Variants in NYAP2 observed in about 807,000 individuals in gnomAD.
The protein encoded by NYAP2 is neuronal tyrosine-phosphorylated phosphoinositide-3-kinase adaptor 2, also known as neuronal tyrosine-phosphorylated phosphoinositide-3-kinase adapter 2.
NYAP2 carries 23 observed loss-of-function variants against 50.4 expected under a neutral mutation model. That is an observed-to-expected ratio of 0.46 (90% CI 0.33 to 0.65). The LOEUF is 0.65. Among genes scored for constraint, NYAP2 ranks in the 30% least tolerant of loss-of-function variants. NYAP2 has a pLI of 0.02. For synonymous variants in NYAP2, 394 were observed against 365.2 expected (o/e 1.08, Z -0.90); for missense variants, 885 against 861.0 (o/e 1.03, Z -0.35).
At chr2:225,614,942 A>C (rs1344281646) in intron 5 of NYAP2, among the ~76,000 whole-genome samples, 1 of 152,230 alleles carries the variant, frequency 6.6e-6, no homozygotes. Flanking sequence ...TAGTGAATTC[A>C]GTGAAAGATG....
intron 2 of NYAP2, among the ~76,000 whole-genome samples, chr2:225,402,620 G>C (rs1328657144): frequency 6.6e-6 from 1 of 152,042 alleles, no homozygotes; most frequent in Non-Finnish European, 1.5e-5. Context: ...TTTGGGAAGA[G>C]AGATAGTGGA....
chr2:225,600,520 G>A (rs1044630521), intron 5 of NYAP2, among the ~76,000 whole-genome samples: 1 of 152,170 alleles, frequency 6.6e-6, no homozygotes, highest in Non-Finnish European at 1.5e-5. Context: ...TATAAACTAA[G>A]TTCCTGCCAA....
At chr2:225,702,946 G>T in the NYAP2 span, 4 of 151,436 alleles carry the variant, frequency 2.6e-5, no homozygotes, top group Non-Finnish European at 5.9e-5. Context: ...ATACACCCAC[G>T]TACAGTATAC....
At chr2:225,407,279 G>T (rs1001556006) in intron 2 of NYAP2, among the ~76,000 whole-genome samples, 1 of 151,782 alleles carries the variant, frequency 6.6e-6, no homozygotes, top group Non-Finnish European at 1.5e-5. Flanking sequence ...CTAATCTGAT[G>T]GACTGATAGT....
At chr2:225,403,192 G>A (rs930509831) in intron 2 of NYAP2, among the ~76,000 whole-genome samples, 2 of 151,926 alleles carry the variant, frequency 1.3e-5, no homozygotes, top group African/African-American at 2.4e-5. Context: ...CCTCAAAGAA[G>A]ATGCAATGAT....
At chr2:225,511,365 CACACACACAGAG>C (rs1352958934) in intron 3 of NYAP2, among the ~76,000 whole-genome samples, 6 of 141,434 alleles carry the variant, frequency 4.2e-5, no homozygotes, top group African/African-American at 1.6e-4. Flanking sequence ...CACACACACA[CACACACACAGAG>C]AGAGAGAGAG....
At chr2:225,514,991 G>A (rs1574653387) in intron 4 of NYAP2, among the ~76,000 whole-genome samples, 1 of 152,234 alleles carries the variant, frequency 6.6e-6, no homozygotes, top group African/African-American at 2.4e-5. Flanking sequence ...ATTCTCATAG[G>A]CAGTCCATGA....
chr2:225,582,562 C>T lies in NYAP2; in HGVS notation c.1145C>T (p.Thr382Met). ...CAGCCAGCCGGGGCGTCGCCCTCCA[C>T]GCTGCCGTCCCACGTCCCCGGCCAT... The change falls in exon 5 of 7, where the codon ACG becomes ATG. Residue 382 changes from threonine to methionine, a missense_variant. Thr to Met is a moderately conservative substitution (Grantham distance 81). Coordinates refer to ENST00000636099, the Ensembl canonical transcript of NYAP2. This position sits in a 1 kb window ranked among gnomAD's most constrained non-coding sequence, Gnocchi z 7.0. 2 of 1,586,330 alleles carry T rather than the reference C, an allele frequency of 1.3e-6. No individual in the cohort carries two copies. Among genetic ancestry groups the T allele is most frequent in the East Asian group, 2.3e-5 (1 of 44,110 alleles).
At chr2:225,423,329 G>A (rs1695243134) in intron 3 of NYAP2, among the ~76,000 whole-genome samples, 1 of 152,206 alleles carries the variant, frequency 6.6e-6, no homozygotes, top group Non-Finnish European at 1.5e-5. Flanking sequence ...CTAAAAGAAA[G>A]TCAGCTTAGA....
At chr2:225,587,004 A>G (rs537530005) in intron 5 of NYAP2, among the ~76,000 whole-genome samples, 54 of 152,310 alleles carry the variant, frequency 3.5e-4, no homozygotes, top group African/African-American at 1.2e-3. Flanking sequence ...CCTTTTTCAC[A>G]TGGTGGCAGG....
At chr2:225,659,953 T>C in the NYAP2 span, among the ~76,000 whole-genome samples, 1 of 152,206 alleles carries the variant, frequency 6.6e-6, no homozygotes. Flanking sequence ...GAAGGAATGA[T>C]TGGTCCACCC....
chr2:225,646,293 T>G (rs1693633723), intron 6 of NYAP2, among the ~76,000 whole-genome samples: 1 of 152,224 alleles, frequency 6.6e-6, no homozygotes, highest in Non-Finnish European at 1.5e-5. Context: ...GGCTCATGCC[T>G]GCAATCCTAG....
chr2:225,498,571 C>CTT lies in NYAP2; in HGVS notation c.222-14788_222-14787dup, dbSNP rs35287009. On this transcript the variant is annotated intron_variant, in intron 3 of 6. Coordinates refer to ENST00000636099, the Ensembl canonical transcript of NYAP2. ...ATGTGATCCCATTTATTTTTTAGGA[C>CTT]TTTTTTTTTTTTTAGGTCAATGAAT... 7.5e-3 allele frequency among the ~76,000 whole-genome samples: 1,096 copies of CTT among 146,388 alleles called. 4 individuals are homozygous for CTT. The highest frequency in any genetic ancestry group is 0.018 in the Middle Eastern group (5 of 284).
chr2:225,656,562 T>C (rs1389325271), downstream of NYAP2, among the ~76,000 whole-genome samples: 3 of 152,158 alleles, frequency 2.0e-5, no homozygotes, highest in African/African-American at 7.2e-5. Context: ...TATGTCATTA[T>C]GTCAGCACCG....
chr2:225,683,606 C>T, the NYAP2 span, among the ~76,000 whole-genome samples: 1 of 152,096 alleles, frequency 6.6e-6, no homozygotes, highest in Admixed American at 6.5e-5. Flanking sequence ...TGGGTAGGTT[C>T]CTTCTACATA....
chr2:225,601,466 T>TA (rs1371731420), intron 5 of NYAP2, among the ~76,000 whole-genome samples: 3 of 152,176 alleles, frequency 2.0e-5, no homozygotes, highest in African/African-American at 7.2e-5. Context: ...GAAACCTACG[T>TA]ACTGTTTTCC....
chr2:225,557,399 C>A (rs568360189), intron 4 of NYAP2, among the ~76,000 whole-genome samples: 46 of 152,076 alleles, frequency 3.0e-4, no homozygotes, highest in African/African-American at 1.0e-3. Flanking sequence ...TTTCATGAAG[C>A]TTTTATTTTA....
rs554194043 is a variant in NYAP2, at chr2:225,578,211, G to A, written c.524-3730G>A. ...GCCTCCCAAGGTGCTAGGATTACAG[G>A]TGTGAGCCATTGCACCCCACACTCA... On this transcript the variant is annotated intron_variant, in intron 4 of 6. Coordinates refer to ENST00000636099, the Ensembl canonical transcript of NYAP2. Among the ~76,000 whole-genome samples the A allele has an allele frequency of 2.9e-4, 44 of 152,240 alleles. No homozygotes were observed. In the Middle Eastern group the frequency reaches 0.01, roughly 35 times the overall value.
chr2:225,574,820 T>C (rs551782721), intron 4 of NYAP2, among the ~76,000 whole-genome samples: 84 of 152,282 alleles, frequency 5.5e-4, no homozygotes, highest in African/African-American at 2.0e-3. Context: ...CTTTCAGAGA[T>C]GTCAACAGGG....
Sources: allele counts gnomAD v4.1 joint callset (sites outside exome capture counted in the v4.1 genomes callset), GRCh38; gene constraint gnomAD v4.1.1; non-coding constraint Gnocchi (gnomAD v3.1); transcripts MANE v1.5; gene names NCBI Gene and HGNC (gene_info 2026-07-23, HGNC 2026-07-21).